The following OSBPL10 variants were observed in gnomAD, a reference collection of about 807,000 sequenced individuals.
OSBPL10 encodes oxysterol-binding protein-related protein 10.
A neutral mutation model predicts 81.7 loss-of-function variants in OSBPL10; 49 were observed. The ratio of observed to expected loss-of-function variants is 0.60; its 90% CI spans 0.48 to 0.76. The LOEUF (loss-of-function observed/expected upper bound fraction) is 0.76. OSBPL10 is among the 30% of genes least tolerant of loss of function. The pLI is 0.00. For synonymous variants in OSBPL10, 419 were observed against 383.6 expected (o/e 1.09, Z -1.08); for missense variants, 923 against 987.8 (o/e 0.93, Z 0.88).
Position 31,799,951 on chromosome 3 carries a change from G to A in OSBPL10, c.729+30089C>T, listed in dbSNP as rs148097814. 2.6e-3 allele frequency among the ~76,000 whole-genome samples: 400 copies of A among 152,172 alleles called. 7 individuals are homozygous for A. The East Asian group carries it at 0.053, about 20-fold the overall frequency. ...TCTCGAACTCCTGACCTCATGATCCGCCCACCTTGGCCTCCCAGAGTGCTG... is the reference window on the plus strand; with the variant it reads ...TCTCGAACTCCTGACCTCATGATCCACCCACCTTGGCCTCCCAGAGTGCTG... On this transcript the variant is annotated intron_variant, in intron 4 of 11. Coordinates refer to ENST00000396556, the MANE Select transcript of OSBPL10 (RefSeq NM_017784.5).
At chr3:31,995,630 G>A (rs1474155558) in intron 2 of OSBPL10, among the ~76,000 whole-genome samples, 2 of 152,176 alleles carry the variant, frequency 1.3e-5, no homozygotes, top group Non-Finnish European at 2.9e-5. Context: ...CTTAGGTGAT[G>A]TACATCCTCA....
chr3:31,736,377 A>C (rs921733353), intron 5 of OSBPL10, among the ~76,000 whole-genome samples: 2 of 152,164 alleles, frequency 1.3e-5, no homozygotes, highest in African/African-American at 4.8e-5. Flanking sequence ...AAAGGTAAAA[A>C]CTCACAACAC....
chr3:32,055,712 A>G (rs1699705292), intron 1 of OSBPL10, among the ~76,000 whole-genome samples: 1 of 152,206 alleles, frequency 6.6e-6, no homozygotes, highest in Admixed American at 6.5e-5. Context: ...CTTTCCTTTA[A>G]GGAATCAAAC....
intron 2 of OSBPL10, among the ~76,000 whole-genome samples, chr3:32,032,867 T>C (rs905877211): frequency 1.3e-5 from 2 of 152,208 alleles, no homozygotes; most frequent in African/African-American, 4.8e-5. Flanking sequence ...GAACTCTCCA[T>C]TAATATGGAA....
chr3:32,056,177 A>T (rs1559556136), intron 1 of OSBPL10, among the ~76,000 whole-genome samples: 1 of 152,210 alleles, frequency 6.6e-6, no homozygotes, highest in African/African-American at 2.4e-5. Flanking sequence ...ACACCTGTTT[A>T]TTAGATTCCG....
chr3:32,000,946 G>A (rs1210622463), intron 2 of OSBPL10, among the ~76,000 whole-genome samples: 1 of 152,208 alleles, frequency 6.6e-6, no homozygotes, highest in East Asian at 1.9e-4. Flanking sequence ...AGAAAAGACT[G>A]TCCTTAACCT....
intron 2 of OSBPL10, among the ~76,000 whole-genome samples, chr3:32,019,920 T>A (rs1699346808): frequency 1.3e-5 from 2 of 152,186 alleles, no homozygotes; most frequent in African/African-American, 2.4e-5. Context: ...GTGGTGAGGG[T>A]GCTGCTCTGA....
chr3:31,881,412 G>C (rs1307139986), intron 1 of OSBPL10, among the ~76,000 whole-genome samples: 1 of 152,158 alleles, frequency 6.6e-6, no homozygotes, highest in Non-Finnish European at 1.5e-5. Context: ...TACATGGCGA[G>C]ACTCAACATA....
chr3:32,008,709 T>G (rs1031210596), intron 2 of OSBPL10, among the ~76,000 whole-genome samples: 2 of 143,358 alleles, frequency 1.4e-5, no homozygotes, highest in Non-Finnish European at 3.0e-5. Flanking sequence ...AAGATTGCAC[T>G]ACTACACTCC....
At chr3:32,050,692 G>A (rs1042953307) in intron 1 of OSBPL10, among the ~76,000 whole-genome samples, 4 of 145,168 alleles carry the variant, frequency 2.8e-5, no homozygotes, top group Non-Finnish European at 6.0e-5. Flanking sequence ...ATGAAGTTTC[G>A]CTCTTGTTGC....
chr3:31,807,482 G>A (rs1699549852), intron 4 of OSBPL10, among the ~76,000 whole-genome samples: 1 of 151,306 alleles, frequency 6.6e-6, no homozygotes, highest in South Asian at 2.1e-4. Context: ...AATGCAAGAT[G>A]AGGGCATGGC....
intron 1 of OSBPL10, among the ~76,000 whole-genome samples, chr3:32,057,777 G>T (rs1016502825): frequency 6.6e-6 from 1 of 152,174 alleles, no homozygotes; most frequent in East Asian, 1.9e-4. Flanking sequence ...ACTCTGGATT[G>T]TTTGCTGCCT....
intron 4 of OSBPL10, among the ~76,000 whole-genome samples, chr3:31,826,329 T>TA (rs1700099509): frequency 6.6e-6 from 1 of 152,254 alleles, no homozygotes; most frequent in African/African-American, 2.4e-5. Flanking sequence ...CTTGAATTGC[T>TA]AGAGAGAATA....
intron 2 of OSBPL10, among the ~76,000 whole-genome samples, chr3:32,013,897 A>C (rs1346878831): frequency 1.3e-5 from 2 of 152,242 alleles, no homozygotes; most frequent in African/African-American, 4.8e-5. Flanking sequence ...TAAACCAGGA[A>C]GAAGTAGAAT....
At chr3:31,997,731 T>G (rs1311220149) in intron 2 of OSBPL10, among the ~76,000 whole-genome samples, 2 of 152,070 alleles carry the variant, frequency 1.3e-5, no homozygotes. Context: ...AGTTAGTGCC[T>G]CTTCCTTGTC....
chr3:31,804,759 G>C (rs4955203), intron 4 of OSBPL10, among the ~76,000 whole-genome samples: 1 of 151,988 alleles, frequency 6.6e-6, no homozygotes, highest in Non-Finnish European at 1.5e-5. Flanking sequence ...AGCAGCATTC[G>C]TGATCTAAAT....
upstream of OSBPL10, among the ~76,000 whole-genome samples, chr3:31,982,327 A>G (rs1698867169): frequency 6.6e-6 from 1 of 152,204 alleles, no homozygotes; most frequent in South Asian, 2.1e-4. Flanking sequence ...AATTACCTAG[A>G]AAAAAGCTTT....
intron 4 of OSBPL10, among the ~76,000 whole-genome samples, chr3:31,763,223 A>G (rs552998285): frequency 2.0e-5 from 3 of 152,376 alleles, no homozygotes; most frequent in Admixed American, 6.5e-5. Context: ...ATCATTTAAC[A>G]CACATCATAT....
chr3:31,820,927 G>A (rs1342620110), intron 4 of OSBPL10, among the ~76,000 whole-genome samples: 1 of 152,148 alleles, frequency 6.6e-6, no homozygotes, highest in Admixed American at 6.5e-5. Flanking sequence ...CAAGTGCTAG[G>A]TGCTGTGCTA....
Sources: gnomAD v4.1 joint callset for allele counts (sites outside exome capture counted in the v4.1 genomes callset) on GRCh38, gnomAD v4.1.1 for gene constraint, MANE v1.5 for transcripts, NCBI Gene and HGNC (gene_info 2026-07-23, HGNC 2026-07-21) for gene names.